Variants in SLC38A6 observed in about 807,000 individuals in gnomAD.
SLC38A6 encodes N system amino acid transporter NAT-1.
In SLC38A6, 73 loss-of-function variants were observed where a neutral mutation model predicts 65.0. That is an observed-to-expected ratio of 1.12 (90% CI 0.93 to 1.37). The LOEUF (loss-of-function observed/expected upper bound fraction) is 1.37, where lower values mean the gene tolerates loss of function less well. Ranked by LOEUF, SLC38A6 falls within the 40% of genes most tolerant of loss-of-function variation. SLC38A6 has a pLI of 0.00. For synonymous variants in SLC38A6, 183 were observed against 178.8 expected, an observed-to-expected ratio of 1.02 and a Z score of -0.19; for missense variants, 561 against 531.1, an observed-to-expected ratio of 1.06 and a Z score of -0.55.
chr14:61,052,167 T>G lies in SLC38A6; in HGVS notation c.1290+32T>G, dbSNP rs750860442. 3.4e-6 allele frequency: 5 copies of G among 1,484,638 alleles called. No individual in the cohort carries two copies. The East Asian group carries it at 9.5e-5, about 28-fold the overall frequency. The allele number at this position is 1,484,638 out of a possible 1,614,324, so 92.0% of individuals were successfully genotyped here. On this transcript the variant is annotated intron_variant, in intron 15 of 15. Transcript: ENST00000267488. ...TGTTTTTGTTTCTTTCTTTCAAGAC[T>G]TCTATTTTAAGAAATAGTTTGTCAG... is the stretch of plus-strand genomic sequence containing the variant.
At chr14:61,006,947 G>A (rs1218595737) in intron 3 of SLC38A6, among the ~76,000 whole-genome samples, 1 of 152,170 alleles carries the variant, frequency 6.6e-6, no homozygotes, top group Non-Finnish European at 1.5e-5. Context: ...TGATAGAGTG[G>A]ATTAAGAAAA....
chr14:61,037,605 A>C lies in SLC38A6; in HGVS notation c.566-20A>C, dbSNP rs1464173508. On this transcript the variant is annotated intron_variant, in intron 7 of 15. Coordinates refer to ENST00000267488, the MANE Select transcript of SLC38A6 (RefSeq NM_153811.3). The stretch of plus-strand genomic sequence containing the variant: ...TCGCTTTCCTTATAAATTGCTTTTT[A>C]TTTTACTGTTATTTTACAGGCTTTC... 43 of 1,547,046 alleles carry C rather than the reference A, an allele frequency of 2.8e-5. No individual in the cohort carries two copies. Among genetic ancestry groups the C allele is most frequent in the Non-Finnish European group, 3.8e-5 (43 of 1,133,660 alleles).
chr14:60,982,311 C>G (rs1254170366), intron 1 of SLC38A6, 197 bp from the exon 2 acceptor site: 2 of 668,190 alleles, frequency 3.0e-6, no homozygotes, highest in Non-Finnish European at 5.4e-6. Flanking sequence ...CCTAAGAAAC[C>G]CTAGATTCCT....
chr14:61,046,681 C>T (rs1171760309), intron 12 of SLC38A6, among the ~76,000 whole-genome samples: 2 of 152,176 alleles, frequency 1.3e-5, no homozygotes, highest in Non-Finnish European at 2.9e-5. Flanking sequence ...CCATGACCTT[C>T]CTCCTTAATT....
chr14:61,062,056 C>G (rs892021092), intron 15 of SLC38A6, among the ~76,000 whole-genome samples: 2 of 152,140 alleles, frequency 1.3e-5, no homozygotes, highest in East Asian at 1.9e-4. Flanking sequence ...CCAGGCTGGT[C>G]TTGTACTCCT....
intron 3 of SLC38A6, among the ~76,000 whole-genome samples, chr14:61,009,589 T>A (rs1210336967): frequency 1.3e-5 from 2 of 151,152 alleles, no homozygotes; most frequent in Admixed American, 1.3e-4. Context: ...TGCCCATGTG[T>A]TCTCATTGTT....
chr14:61,076,893 A>G (rs2043438430), intron 15 of SLC38A6, among the ~76,000 whole-genome samples: 1 of 152,196 alleles, frequency 6.6e-6, no homozygotes, highest in Non-Finnish European at 1.5e-5. Flanking sequence ...AGACTGAGAA[A>G]ACTTGGATGT....
chr14:61,033,528 A>C (rs1471774140), intron 6 of SLC38A6, among the ~76,000 whole-genome samples: 2 of 152,094 alleles, frequency 1.3e-5, no homozygotes, highest in Non-Finnish European at 2.9e-5. Context: ...GAAAAAATTA[A>C]AGTTAGTACA....
At position 60,981,792 on chromosome 14, in the gene SLC38A6, A is replaced by C. The variant is rs2296924; in HGVS notation, c.105+410A>C. On this transcript the variant is annotated intron_variant, in intron 1 of 15. Coordinates refer to ENST00000267488, the MANE Select transcript of SLC38A6 (RefSeq NM_153811.3). ...CGACTTAGTCATGGGGGGAGGGAAA[A>C]TAATAAACATTTTAATACAGAAATT... The C allele has an allele frequency of 3.5e-6, 4 of 1,147,452 alleles. No homozygotes were observed. In the African/African-American group the frequency reaches 6.4e-5, roughly 18 times the overall value. The allele number at this position is 1,147,452 out of a possible 1,614,324, so 71.1% of individuals were successfully genotyped here.
In SLC38A6 at chr14:61,052,493, G is replaced by A. The variant is rs189587976; in HGVS notation, c.*64G>A. On this transcript the variant is annotated 3_prime_UTR_variant, in exon 16 of 16. Coordinates refer to ENST00000267488, the MANE Select transcript of SLC38A6 (RefSeq NM_153811.3). ...CCTAGTTGCAAGAATGAATTATTCC[G>A]GAAGACACCCTGGATGAAAAATAAC... is the stretch of plus-strand genomic sequence containing the variant. 44 of 1,497,772 alleles carry A rather than the reference G, an allele frequency of 2.9e-5. No individual in the cohort carries two copies. Among genetic ancestry groups the A allele is most frequent in the Middle Eastern group, 1.9e-4 (1 of 5,374 alleles). The allele number at this position is 1,497,772 out of a possible 1,614,324, so 92.8% of individuals were successfully genotyped here.
chr14:60,982,631 G>T lies in SLC38A6; in HGVS notation c.229G>T (p.Gly77Ter). The T allele has an allele frequency of 6.2e-7, 1 of 1,605,802 alleles. No homozygotes were observed. The highest frequency in any genetic ancestry group is 8.5e-7 in the Non-Finnish European group (1 of 1,177,758). ...TGTTTTGGCTAATACCGGTGTCTTT[G>T]GATTTAGGTGAGTCTTCATATTTTA... is the stretch of plus-strand genomic sequence containing the variant. ...AYVLANTGVF[G>*]FSFLLLTVAL... The change falls in exon 2 of 16, where the codon GGA becomes TGA. Residue 77 changes from glycine (G) to a stop codon, truncating the protein, a stop_gained. Coordinates refer to ENST00000267488, the MANE Select transcript of SLC38A6 (RefSeq NM_153811.3). LOFTEE classifies it high-confidence loss of function.
intron 3 of SLC38A6, among the ~76,000 whole-genome samples, chr14:61,015,241 T>C (rs546400101): frequency 1.3e-5 from 2 of 152,196 alleles, no homozygotes; most frequent in Admixed American, 6.5e-5. Context: ...AAGCGCAGTA[T>C]TAGGGTGGGA....
rs751932726 is a variant in SLC38A6 at position 61,052,416 on chromosome 14, G to C, written c.1358G>C (p.Trp453Ser). 1.9e-6 allele frequency: 3 copies of C among 1,556,956 alleles called. No individual in the cohort carries two copies. The highest frequency in any genetic ancestry group is 2.6e-6 in the Non-Finnish European group (3 of 1,156,128). ...NFSLALIIFDWINK is the reference protein window; with the variant it reads ...NFSLALIIFDSINK The stretch of plus-strand genomic sequence containing the variant: ...AGTTTAGCACTCATCATTTTTGATT[G>C]GATTAATAAATAAAAGAAATATTTT... Residue 453 changes from tryptophan to serine, a missense_variant, in exon 16 of 16, where the codon TGG becomes TCG. By Grantham distance (177) the Trp-to-Ser change is radical. Coordinates refer to ENST00000267488, the MANE Select transcript of SLC38A6 (RefSeq NM_153811.3).
intron 10 of SLC38A6, among the ~76,000 whole-genome samples, chr14:61,045,087 G>A (rs1012296137): frequency 5.3e-5 from 8 of 152,118 alleles, no homozygotes; most frequent in Non-Finnish European, 1.5e-5. Context: ...AGTGATTGTA[G>A]TAAAAGCAGC....
chr14:60,987,049 T>C (rs2139686962), intron 3 of SLC38A6: 1 of 420,122 alleles, frequency 2.4e-6, no homozygotes, highest in African/African-American at 2.1e-5. Context: ...TTGATTTCTG[T>C]AGCCTACTTG....
At position 61,045,391 on chromosome 14, in the gene SLC38A6, ACC is replaced by A. The variant is rs1360249851; in HGVS notation, c.791_792del (p.Thr264IlefsTer8). On this transcript the variant is annotated frameshift_variant, in exon 11 of 16. Coordinates refer to ENST00000267488, the MANE Select transcript of SLC38A6 (RefSeq NM_153811.3). LOFTEE classifies it high-confidence loss of function. Reference protein sequence around the residue: ...PTMAFSFLCHTSILPIYCELQ... With the variant: ...PTMAFSFLCHXSILPIYCELQ... The stretch of plus-strand genomic sequence containing the variant: ...CATGGCTTTTTCATTTCTCTGCCAT[ACC>A]TCAATATTGCCCATATACTGTGAAC... 2.5e-6 allele frequency: 4 copies of A among 1,613,598 alleles called. No individual in the cohort carries two copies. The East Asian group carries it at 6.7e-5, about 27-fold the overall frequency.
intron 15 of SLC38A6, among the ~76,000 whole-genome samples, chr14:61,073,375 C>T (rs1218099492): frequency 1.3e-5 from 2 of 152,126 alleles, no homozygotes; most frequent in African/African-American, 4.8e-5. Flanking sequence ...GCCCTCATGG[C>T]CTAATCACCT....
intron 3 of SLC38A6, among the ~76,000 whole-genome samples, chr14:61,012,451 T>C (rs1425084477): frequency 1.2e-4 from 18 of 152,186 alleles, no homozygotes; most frequent in Admixed American, 1.2e-3. Flanking sequence ...TGCTCTTGCT[T>C]CTCTAGTTCT....
intron 3 of SLC38A6, among the ~76,000 whole-genome samples, chr14:61,000,503 C>A (rs923815046): frequency 2.0e-5 from 3 of 152,114 alleles, no homozygotes; most frequent in Admixed American, 2.0e-4. Context: ...TGATGGCGGG[C>A]GCCTGTAATC....
Sources: allele counts gnomAD v4.1 joint callset (sites outside exome capture counted in the v4.1 genomes callset), GRCh38; gene constraint gnomAD v4.1.1; transcripts MANE v1.5; gene names NCBI Gene and HGNC (gene_info 2026-07-23, HGNC 2026-07-21).